The following RBMS3 variants were observed in gnomAD, a reference collection of about 807,000 sequenced individuals.
RBMS3 encodes RNA-binding motif, single-stranded-interacting protein 3.
Under a neutral mutation model 66.8 loss-of-function variants are expected in RBMS3, and 27 were observed. That is an observed-to-expected ratio of 0.40 (90% CI 0.30 to 0.56). The LOEUF is 0.56. RBMS3 is among the 20% of genes least tolerant of loss of function. The pLI is 0.40. For synonymous variants in RBMS3, 188 were observed against 183.0 expected, an observed-to-expected ratio of 1.03 and a Z score of -0.22; for missense variants, 513 against 549.5, an observed-to-expected ratio of 0.93 and a Z score of 0.66.
chr3:29,398,801 C>T (rs922031879), intron 1 of RBMS3, among the ~76,000 whole-genome samples: 2 of 123,166 alleles, frequency 1.6e-5, no homozygotes, highest in African/African-American at 6.1e-5. Context: ...CGAACCTCAA[C>T]CAGTCTATTT....
intron 6 of RBMS3, among the ~76,000 whole-genome samples, chr3:29,793,230 C>CA (rs59309324): frequency 0.34 from 39,960 of 116,940 alleles, 5,641 homozygotes; most frequent in African/African-American, 0.37. Context: ...GACTCCATCT[C>CA]AAAAAAAAAA....
intron 4 of RBMS3, among the ~76,000 whole-genome samples, chr3:29,588,757 A>T (rs1321340812): frequency 1.3e-5 from 2 of 152,108 alleles, no homozygotes; most frequent in East Asian, 3.9e-4. Flanking sequence ...GAAATTATAT[A>T]CATGTCTTGG....
chr3:29,975,851 T>C (rs1697545803), intron 12 of RBMS3, among the ~76,000 whole-genome samples: 1 of 152,006 alleles, frequency 6.6e-6, no homozygotes, highest in Admixed American at 6.6e-5. Flanking sequence ...AATTTTAGAA[T>C]GGGCTTGTTT....
intron 3 of RBMS3, among the ~76,000 whole-genome samples, chr3:29,528,991 A>G (rs1039774608): frequency 2.6e-5 from 4 of 151,906 alleles, no homozygotes; most frequent in South Asian, 2.1e-4. Flanking sequence ...TGATCCACCC[A>G]CCTTGGCCTC....
chr3:29,467,845 G>C (rs1191147212), intron 2 of RBMS3, among the ~76,000 whole-genome samples: 4 of 152,042 alleles, frequency 2.6e-5, no homozygotes, highest in Non-Finnish European at 4.4e-5. Flanking sequence ...CCATGTATTA[G>C]TATCAGTGAA....
intron 1 of RBMS3, among the ~76,000 whole-genome samples, chr3:29,400,523 A>C (rs1405743082): frequency 6.6e-6 from 1 of 151,928 alleles, no homozygotes; most frequent in East Asian, 1.9e-4. Context: ...AACTATGTGG[A>C]TGTACTTAAT....
intron 1 of RBMS3, among the ~76,000 whole-genome samples, chr3:29,328,383 A>G (rs778010237): frequency 5.3e-5 from 8 of 152,176 alleles, no homozygotes; most frequent in Non-Finnish European, 1.0e-4. Context: ...ATGAAATTTT[A>G]AAGCTTGTGG....
chr3:29,408,044 G>C (rs1294600578), intron 1 of RBMS3, among the ~76,000 whole-genome samples: 1 of 151,974 alleles, frequency 6.6e-6, no homozygotes, highest in African/African-American at 2.4e-5. Context: ...AGGCCGAGGT[G>C]GGCAGATCAC....
chr3:29,746,677 C>T (rs186974493), intron 5 of RBMS3, among the ~76,000 whole-genome samples: 1 of 152,034 alleles, frequency 6.6e-6, no homozygotes, highest in Non-Finnish European at 1.5e-5. Context: ...ATTCTATTTT[C>T]TTTTTCATAT....
intron 14 of RBMS3, among the ~76,000 whole-genome samples, chr3:29,998,277 A>AAGAGC (rs1343198152): frequency 1.3e-5 from 2 of 152,202 alleles, no homozygotes; most frequent in Non-Finnish European, 2.9e-5. Context: ...GATACAAACA[A>AAGAGC]ATGGAAGAAC....
intron 6 of RBMS3, among the ~76,000 whole-genome samples, chr3:29,820,948 C>A (rs1182341494): frequency 6.6e-6 from 1 of 152,168 alleles, no homozygotes; most frequent in Non-Finnish European, 1.5e-5. Flanking sequence ...GCTCCAGTTT[C>A]CCTCCTGGGA....
At chr3:29,712,983 G>A (rs1487124631) in intron 4 of RBMS3, among the ~76,000 whole-genome samples, 1 of 152,108 alleles carries the variant, frequency 6.6e-6, no homozygotes, top group African/African-American at 2.4e-5. Context: ...GATAGAAAGA[G>A]AGAGATATCT....
chr3:29,985,187 A>G (rs1455894151), intron 12 of RBMS3, among the ~76,000 whole-genome samples: 1 of 152,140 alleles, frequency 6.6e-6, no homozygotes, highest in Non-Finnish European at 1.5e-5. Flanking sequence ...CTGTGAGGGG[A>G]AAACAGCCTG....
chr3:29,982,812 T>C (rs1163728168), intron 12 of RBMS3, among the ~76,000 whole-genome samples: 1 of 152,012 alleles, frequency 6.6e-6, no homozygotes, highest in East Asian at 1.9e-4. Flanking sequence ...TTGCATTTGC[T>C]GAGGAGTGTT....
chr3:29,582,278 A>G (rs760917778), intron 3 of RBMS3, among the ~76,000 whole-genome samples: 10 of 152,210 alleles, frequency 6.6e-5, no homozygotes, highest in Non-Finnish European at 1.5e-4. Context: ...AAATTAACAC[A>G]CAGGGTTTAA....
At chr3:29,487,530 C>T (rs1366103156) in intron 2 of RBMS3, among the ~76,000 whole-genome samples, 4 of 151,976 alleles carry the variant, frequency 2.6e-5, no homozygotes, top group African/African-American at 9.7e-5. Context: ...ATCTTTACCC[C>T]CTTCCACTTC....
chr3:29,562,551 G>A (rs1299706108), intron 3 of RBMS3, among the ~76,000 whole-genome samples: 1 of 152,050 alleles, frequency 6.6e-6, no homozygotes, highest in African/African-American at 2.4e-5. Flanking sequence ...CTACCTCCAA[G>A]GACTATTCTA....
At chr3:29,512,237 A>G (rs757491251) in intron 3 of RBMS3, among the ~76,000 whole-genome samples, 6 of 152,050 alleles carry the variant, frequency 3.9e-5, no homozygotes, top group Non-Finnish European at 8.8e-5. Context: ...TGTCATTTTT[A>G]TACTAATTTA....
chr3:29,704,030 G>C (rs539756839), intron 4 of RBMS3, among the ~76,000 whole-genome samples: 60 of 152,314 alleles, frequency 3.9e-4, no homozygotes, highest in African/African-American at 1.4e-3. Flanking sequence ...AATGTCTGAT[G>C]ATCTGTCACT....
Sources: gnomAD v4.1 joint callset for allele counts (sites outside exome capture counted in the v4.1 genomes callset) on GRCh38, gnomAD v4.1.1 for gene constraint, MANE v1.5 for transcripts, NCBI Gene and HGNC (gene_info 2026-07-23, HGNC 2026-07-21) for gene names.